Variants in ATRNL1 observed in about 807,000 individuals in gnomAD.
The protein encoded by ATRNL1 is attractin like 1, also known as attractin-like protein 1.
ATRNL1 carries 95 observed loss-of-function variants against 182.7 expected under a neutral mutation model. The observed-to-expected ratio is 0.52, with a 90% confidence interval of 0.44 to 0.62. The LOEUF is 0.62. Ranked by LOEUF, ATRNL1 falls within the 20% of genes least tolerant of loss-of-function variation. The pLI, the probability that ATRNL1 is intolerant of heterozygous loss-of-function variation, is 0.00. For missense variants in ATRNL1, 1,471 were observed against 1,679.5 expected (o/e 0.88, Z 2.17); for synonymous variants, 576 against 568.3 (o/e 1.01, Z -0.19).
At chr10:115,675,521 A>G (rs1382820442) in intron 26 of ATRNL1, among the ~76,000 whole-genome samples, 1 of 152,116 alleles carries the variant, frequency 6.6e-6, no homozygotes, top group Non-Finnish European at 1.5e-5. Context: ...GTCTTGCCTT[A>G]TGTTCTTGCT....
At chr10:115,176,387 T>A (rs1353268408) in intron 8 of ATRNL1, among the ~76,000 whole-genome samples, 1 of 152,178 alleles carries the variant, frequency 6.6e-6, no homozygotes, top group Non-Finnish European at 1.5e-5. Flanking sequence ...CCCATGCCTA[T>A]GTCCTGTGAA....
intron 19 of ATRNL1, among the ~76,000 whole-genome samples, chr10:115,392,695 T>C (rs1554954622): frequency 1.3e-5 from 2 of 152,140 alleles, no homozygotes; most frequent in Admixed American, 6.6e-5. Flanking sequence ...CTCACATAAA[T>C]GTCTTTGGGG....
chr10:115,362,532 T>A (rs1260422759), intron 19 of ATRNL1, among the ~76,000 whole-genome samples: 7 of 151,232 alleles, frequency 4.6e-5, no homozygotes, highest in East Asian at 1.9e-4. Flanking sequence ...TTTTTTTTTT[T>A]ATTATACTTT....
At chr10:115,096,882 A>G in intron 1 of ATRNL1, 1 of 975,274 alleles carries the variant, frequency 1.0e-6, no homozygotes, top group Non-Finnish European at 1.3e-6. Flanking sequence ...AAGCTAGACT[A>G]AAGGACTTGG....
At chr10:115,614,550 T>G (rs1380566985) in intron 26 of ATRNL1, among the ~76,000 whole-genome samples, 1 of 152,314 alleles carries the variant, frequency 6.6e-6, no homozygotes, top group South Asian at 2.1e-4. Flanking sequence ...ATTTGGTCTA[T>G]AATGCAATTT....
At chr10:115,787,403 A>G (rs1360086256) in intron 27 of ATRNL1, among the ~76,000 whole-genome samples, 2 of 152,116 alleles carry the variant, frequency 1.3e-5, no homozygotes, top group Non-Finnish European at 2.9e-5. Context: ...TTCCAGGAAT[A>G]CTATTCTTTA....
At chr10:115,733,747 T>G (rs978376777) in intron 27 of ATRNL1, among the ~76,000 whole-genome samples, 11 of 152,196 alleles carry the variant, frequency 7.2e-5, no homozygotes. Context: ...TTTCCTTTTT[T>G]CTTATAGCTG....
chr10:115,776,964 C>G (rs1555078112), intron 27 of ATRNL1, among the ~76,000 whole-genome samples: 9 of 152,056 alleles, frequency 5.9e-5, no homozygotes. Flanking sequence ...CTTCTCAGTA[C>G]AGATAAGCAT....
chr10:115,568,253 A>G (rs1307414571), intron 26 of ATRNL1, among the ~76,000 whole-genome samples: 1 of 152,090 alleles, frequency 6.6e-6, no homozygotes, highest in African/African-American at 2.4e-5. Flanking sequence ...GTCCTTACTC[A>G]ATATTGAAAT....
chr10:115,276,622 G>A (rs1852116799), intron 13 of ATRNL1, among the ~76,000 whole-genome samples: 1 of 152,150 alleles, frequency 6.6e-6, no homozygotes, highest in East Asian at 1.9e-4. Context: ...TGGGATTTCA[G>A]TCTAGATTAT....
chr10:115,577,152 C>T (rs574120173), intron 26 of ATRNL1, among the ~76,000 whole-genome samples: 49 of 151,884 alleles, frequency 3.2e-4, no homozygotes, highest in Non-Finnish European at 5.5e-4. Context: ...AATTTGAAAT[C>T]AGAAAGTGAT....
chr10:115,170,119 T>C (rs112853949), intron 7 of ATRNL1, among the ~76,000 whole-genome samples: 24 of 152,298 alleles, frequency 1.6e-4, no homozygotes, highest in African/African-American at 5.5e-4. Context: ...CCAATCTGGA[T>C]GTCTTTATTT....
Position 115,241,765 on chromosome 10 carries a change from G to C in ATRNL1, c.1687+40G>C, listed in dbSNP as rs371752131. On this transcript the variant is annotated intron_variant, in intron 10 of 28. Transcript: ENST00000355044. ...GGATTGTACAAAGTAGGAAATATCAGAAATTTTCCATATAGATATTCTCAA... is the reference window on the plus strand; with the variant it reads ...GGATTGTACAAAGTAGGAAATATCACAAATTTTCCATATAGATATTCTCAA... 1.4e-3 allele frequency: 2,212 copies of C among 1,538,544 alleles called. 47 individuals are homozygous for C. In the South Asian group the frequency reaches 0.025, roughly 17 times the overall value.
intron 26 of ATRNL1, among the ~76,000 whole-genome samples, chr10:115,669,358 A>G (rs1287528933): frequency 6.6e-6 from 1 of 152,174 alleles, no homozygotes; most frequent in African/African-American, 2.4e-5. Context: ...GTTAGAGTAT[A>G]TCTAGATATA....
chr10:115,774,050 A>G (rs782336207), intron 27 of ATRNL1, among the ~76,000 whole-genome samples: 19 of 152,084 alleles, frequency 1.2e-4, no homozygotes, highest in Non-Finnish European at 2.5e-4. Context: ...AAAATAGCCA[A>G]AGACTGCTCT....
intron 8 of ATRNL1, among the ~76,000 whole-genome samples, chr10:115,199,419 G>A (rs1211332246): frequency 4.0e-5 from 6 of 151,198 alleles, no homozygotes; most frequent in East Asian, 1.9e-4. Context: ...ACAAAAATTA[G>A]CTGGCGTAGT....
intron 27 of ATRNL1, among the ~76,000 whole-genome samples, chr10:115,780,914 C>T (rs1438240178): frequency 2.6e-5 from 4 of 152,154 alleles, no homozygotes; most frequent in Non-Finnish European, 5.9e-5. Flanking sequence ...CAGTGAGAGA[C>T]TTCTGCTTCA....
chr10:115,363,635 G>A lies in ATRNL1; in HGVS notation c.3175+29216G>A, dbSNP rs531119359. Among the ~76,000 whole-genome samples the A allele has an allele frequency of 1.6e-3, 242 of 151,502 alleles. 2 individuals are homozygous for A. The highest frequency in any genetic ancestry group is 5.7e-3 in the African/African-American group (235 of 41,296). ...TGGTAATGCCTAGGTTTTCTTCTAG[G>A]GTTTTTATGGTTTTAGGTCTAACGT... is the stretch of plus-strand genomic sequence containing the variant. On this transcript the variant is annotated intron_variant, in intron 19 of 28. Transcript: ENST00000355044.
intron 8 of ATRNL1, among the ~76,000 whole-genome samples, chr10:115,215,410 A>G (rs1849190605): frequency 6.6e-6 from 1 of 152,214 alleles, no homozygotes; most frequent in South Asian, 2.1e-4. Context: ...TATTTATGTA[A>G]TATAAGAATA....
Sources: allele counts gnomAD v4.1 joint callset (sites outside exome capture counted in the v4.1 genomes callset), GRCh38; gene constraint gnomAD v4.1.1; transcripts MANE v1.5; gene names NCBI Gene and HGNC (gene_info 2026-07-23, HGNC 2026-07-21).